Variants in PVR observed in about 807,000 individuals in gnomAD.
PVR encodes the protein PVR cell adhesion molecule, also known as poliovirus receptor.
PVR carries 39 observed loss-of-function variants against 43.3 expected under a neutral mutation model. The observed-to-expected ratio is 0.90, with a 90% CI of 0.70 to 1.18. The LOEUF (loss-of-function observed/expected upper bound fraction) is 1.18, where lower values mean the gene tolerates loss of function less well. Among genes scored for constraint, PVR ranks in the 50% most tolerant of loss-of-function variants. The probability of loss-of-function intolerance (pLI) is 0.00; values close to 1 mark genes in which losing one functional copy is unlikely to be tolerated. For missense variants in PVR, 480 were observed against 549.7 expected, an observed-to-expected ratio of 0.87 and a Z score of 1.27; for synonymous variants, 224 against 233.2, an observed-to-expected ratio of 0.96 and a Z score of 0.36.
At position 44,645,163 on chromosome 19, in the gene PVR, T is replaced by C. The variant is rs1190784033; in HGVS notation, c.79+988T>C. On this transcript the variant is annotated intron_variant, in intron 1 of 7. Transcript: ENST00000425690. ...ATATATTATTATAATATATAATATG[T>C]ATATTATATATTATATATATTATTA... Among the ~76,000 whole-genome samples the C allele has an allele frequency of 2.5e-3, 177 of 70,640 alleles. 14 individuals are homozygous for C. The highest frequency in any genetic ancestry group is 8.5e-3 in the African/African-American group (168 of 19,734). 46.3% of individuals were successfully genotyped at this position (70,640 alleles called of 152,430 possible).
At position 44,645,413 on chromosome 19, in the gene PVR, GTGTATATA is replaced by G. The variant is rs1412130091; in HGVS notation, c.79+1240_79+1247del. 4.8e-3 allele frequency among the ~76,000 whole-genome samples: 249 copies of G among 52,088 alleles called. 6 individuals carry two copies. The highest frequency in any genetic ancestry group is 0.017 in the Middle Eastern group (2 of 116). 34.2% of individuals were successfully genotyped at this position (52,088 alleles called of 152,430 possible). A position where few individuals can be genotyped will look rare whatever the true frequency, so the allele number is the denominator to read the frequency against. On this transcript the variant is annotated intron_variant, in intron 1 of 7. Coordinates refer to ENST00000425690, the MANE Select transcript of PVR (RefSeq NM_006505.5). The stretch of plus-strand genomic sequence containing the variant: ...ATTTTATTATTTATTTATATGTTTT[GTGTATATA>G]TATATATATATATATATATATATAG...
intron 4 of PVR, among the ~76,000 whole-genome samples, chr19:44,656,160 C>T (rs1973439969): frequency 6.6e-6 from 1 of 152,222 alleles, no homozygotes; most frequent in Non-Finnish European, 1.5e-5. Flanking sequence ...GCAGTCATCT[C>T]ACCTGGGCCT....
intron 4 of PVR, 73 bp downstream of exon 4, chr19:44,654,090 C>A: frequency 8.1e-7 from 1 of 1,227,630 alleles, no homozygotes; most frequent in Non-Finnish European, 1.2e-6. Flanking sequence ...GGGCTGGGGG[C>A]CTGGACTCCT....
intron 1 of PVR, among the ~76,000 whole-genome samples, chr19:44,646,537 G>C (rs1268763890): frequency 6.6e-6 from 1 of 152,124 alleles, no homozygotes; most frequent in African/African-American, 2.4e-5. Flanking sequence ...GGCCGTAGTG[G>C]GAGGATCACT....
rs1350402896 is a variant in PVR at position 44,662,609 on chromosome 19, C to T, written c.*798C>T. 4 of 152,352 alleles carry T rather than the reference C, an allele frequency of 2.6e-5. No individual in the cohort carries two copies. In the East Asian group the frequency reaches 7.7e-4, roughly 29 times the overall value. The allele number at this position is 152,352 out of a possible 1,614,324, so 9.4% of individuals were successfully genotyped here. Reference sequence around the variant, plus strand: ...CCAAGACCCCCACCATAAATCACATCATTAGCATGAACCACCCAGAGTGGC... The same window carrying T: ...CCAAGACCCCCACCATAAATCACATTATTAGCATGAACCACCCAGAGTGGC... On this transcript the variant is annotated 3_prime_UTR_variant, in exon 8 of 8. Transcript: ENST00000425690.
chr19:44,655,863 C>CTTTTTTTTTTTTTT (rs11349440), intron 4 of PVR, among the ~76,000 whole-genome samples: 1 of 81,930 alleles, frequency 1.2e-5, no homozygotes, highest in Non-Finnish European at 2.2e-5. Context: ...AGCTCTCCTG[C>CTTTTTTTTTTTTTT]TTTTTTTTTT....
Position 44,644,192 on chromosome 19 carries a change from C to T in PVR, c.79+17C>T. The T allele has an allele frequency of 6.7e-7, 1 of 1,485,780 alleles. No homozygotes were observed. 92.0% of individuals were successfully genotyped at this position (1,485,780 alleles called of 1,614,324 possible). The stretch of plus-strand genomic sequence containing the variant: ...CAGGAACCGGTGAGTGACCCCCGCG[C>T]AGTCCGGTGGCCCCTGTCTGGCTCC... On this transcript the variant is annotated intron_variant, in intron 1 of 7. Coordinates refer to ENST00000425690, the MANE Select transcript of PVR (RefSeq NM_006505.5).
intron 6 of PVR, 86 bp from the exon 7 acceptor site, chr19:44,661,206 T>C (rs779511263): frequency 1.6e-4 from 219 of 1,333,184 alleles, no homozygotes; most frequent in Non-Finnish European, 2.2e-4. Flanking sequence ...ACTTGACATT[T>C]TCAGGGCCCT....
intron 3 of PVR, among the ~76,000 whole-genome samples, chr19:44,650,452 C>G (rs191240103): frequency 7.0e-4 from 107 of 152,226 alleles, no homozygotes; most frequent in African/African-American, 2.3e-3. Context: ...TTTCCCCAGG[C>G]AAGTATCCAC....
In PVR at chr19:44,650,056, C is replaced by A; in HGVS notation, c.675C>A (p.His225Gln). Residue 225 changes from histidine (H) to glutamine (Q), a missense_variant, in exon 3 of 8, where the codon CAC (histidine) becomes CAA (glutamine). Coordinates refer to ENST00000425690, the MANE Select transcript of PVR (RefSeq NM_006505.5). ...AGAATGTGACCTGCAAGGTGGAGCA[C>A]GAGAGCTTTGAGAAGCCTCAGCTGC... ...DGKNVTCKVE[H>Q]ESFEKPQLLT... 1 of 1,560,960 alleles carries A rather than the reference C, an allele frequency of 6.4e-7. No homozygotes were observed. The highest frequency in any genetic ancestry group is 8.7e-7 in the Non-Finnish European group (1 of 1,153,252).
chr19:44,660,032 A>G (rs906994800), intron 6 of PVR, among the ~76,000 whole-genome samples: 7 of 152,128 alleles, frequency 4.6e-5, no homozygotes, highest in Admixed American at 1.3e-4. Flanking sequence ...CTGACCCCCA[A>G]GCATGAGCCA....
chr19:44,662,009 A>C lies in PVR; in HGVS notation c.*198A>C. Reference sequence around the variant, plus strand: ...CTCCTTTCATTTGCTAGAAGGACTCACTAGACTCAGGAAAGCTGTTAGGCT... The same window carrying C: ...CTCCTTTCATTTGCTAGAAGGACTCCCTAGACTCAGGAAAGCTGTTAGGCT... On this transcript the variant is annotated 3_prime_UTR_variant, in exon 8 of 8. Transcript: ENST00000425690. 2 of 589,428 alleles carry C rather than the reference A, an allele frequency of 3.4e-6. No homozygotes were observed. Among genetic ancestry groups the C allele is most frequent in the Non-Finnish European group, 6.1e-6 (2 of 330,202 alleles). 36.5% of individuals were successfully genotyped at this position (589,428 alleles called of 1,614,324 possible).
intron 6 of PVR, among the ~76,000 whole-genome samples, chr19:44,660,623 G>C (rs1973567396): frequency 6.6e-6 from 1 of 152,042 alleles, no homozygotes; most frequent in South Asian, 2.1e-4. Context: ...CCCAGGCTCA[G>C]GTGATTCTCC....
chr19:44,647,097 A>AC, intron 1 of PVR, 126 bp from the exon 2 acceptor site: 2 of 43,472 alleles, frequency 4.6e-5, no homozygotes, highest in Admixed American at 5.1e-4. Context: ...CCCACACCCC[A>AC]CGGTCCACCG....
In PVR at chr19:44,644,126, G is replaced by A. The variant is rs1467651318; in HGVS notation, c.30G>A (p.Pro10=). The change falls in exon 1 of 8, where the codon CCG becomes CCA. Residue 10 remains proline (P), a synonymous_variant. Transcript: ENST00000425690. MARAMAAAW[P]LLLVALLVLS... ...CCCGAGCCATGGCCGCCGCGTGGCC[G>A]CTGCTGCTGGTGGCGCTACTGGTGC... The A allele has an allele frequency of 3.3e-6, 5 of 1,518,944 alleles. No homozygotes were observed. Among genetic ancestry groups the A allele is most frequent in the Admixed American group, 4.0e-5 (2 of 49,450 alleles). 94.1% of individuals were successfully genotyped at this position (1,518,944 alleles called of 1,614,324 possible). A position where few individuals can be genotyped will look rare whatever the true frequency, so the allele number is the denominator to read the frequency against.
rs377417539 is a variant in PVR at position 44,649,897 on chromosome 19, C to T, written c.516C>T (p.Arg172=). The change falls in exon 3 of 8, where the codon CGC becomes CGT. Residue 172 remains arginine (R), a synonymous_variant. Coordinates refer to ENST00000425690, the MANE Select transcript of PVR (RefSeq NM_006505.5). ...CCCGCTGCGTCTCCACAGGGGGTCGCCCGCCAGCCCAAATCACCTGGCACT... is the reference window on the plus strand; with the variant it reads ...CCCGCTGCGTCTCCACAGGGGGTCGTCCGCCAGCCCAAATCACCTGGCACT... ...PMARCVSTGG[R]PPAQITWHSD... 2.5e-5 allele frequency: 40 copies of T among 1,613,842 alleles called. No individual in the cohort carries two copies. In the African/African-American group the frequency reaches 4.3e-4, roughly 17 times the overall value.
At chr19:44,644,589 G>A (rs1973024473) in intron 1 of PVR, among the ~76,000 whole-genome samples, 1 of 152,094 alleles carries the variant, frequency 6.6e-6, no homozygotes, top group Admixed American at 6.5e-5. Flanking sequence ...CAGCGTGCTG[G>A]CAGGCTGGGT....
intron 2 of PVR, among the ~76,000 whole-genome samples, chr19:44,648,172 T>C (rs1263334001): frequency 1.3e-5 from 2 of 152,196 alleles, no homozygotes; most frequent in Non-Finnish European, 2.9e-5. Flanking sequence ...TATCACCTGT[T>C]GACAGACAAG....
At chr19:44,653,713 C>T (rs562796572) in intron 3 of PVR, 187 bp from the exon 4 acceptor site, 1 of 566,402 alleles carries the variant, frequency 1.8e-6, no homozygotes, top group Non-Finnish European at 3.2e-6. Flanking sequence ...CATGTCCCCA[C>T]TGACCAAGGA....
Sources: gnomAD v4.1 joint callset for allele counts (sites outside exome capture counted in the v4.1 genomes callset) on GRCh38, gnomAD v4.1.1 for gene constraint, MANE v1.5 for transcripts, NCBI Gene and HGNC (gene_info 2026-07-23, HGNC 2026-07-21) for gene names.